Variants in CFAP54 observed in about 807,000 individuals in gnomAD.
The protein encoded by CFAP54 is cilia- and flagella-associated protein 54.
CFAP54 carries 290 observed loss-of-function variants against 370.4 expected under a neutral mutation model. The observed-to-expected ratio is 0.78, with a 90% confidence interval of 0.71 to 0.86. The LOEUF (loss-of-function observed/expected upper bound fraction) is 0.86, where lower values mean the gene tolerates loss of function less well. Among genes scored for constraint, CFAP54 ranks in the 40% least tolerant of loss-of-function variants. The pLI, the probability that CFAP54 is intolerant of heterozygous loss-of-function variation, is 0.00. For missense variants in CFAP54, 3,399 were observed against 3,528.7 expected (o/e 0.96, Z 0.93); for synonymous variants, 1,206 against 1,236.5 (o/e 0.98, Z 0.52).
At chr12:96,647,745 A>C (rs10860058) in intron 33 of CFAP54, 130 bp from the exon 34 acceptor site, 620,548 of 781,200 alleles carry the variant, frequency 0.79, 247,169 homozygotes, top group East Asian at 0.9. Context: ...TGATTAAGTG[A>C]CAAAACCCTT....
intron 19 of CFAP54, among the ~76,000 whole-genome samples, chr12:96,567,326 G>C (rs571309394): frequency 6.6e-6 from 1 of 152,180 alleles, no homozygotes; most frequent in African/African-American, 2.4e-5. Context: ...GTGTTCATAA[G>C]AAGTATTTTT....
intron 14 of CFAP54, among the ~76,000 whole-genome samples, chr12:96,546,955 T>A (rs1476724244): frequency 5.9e-5 from 9 of 152,222 alleles, no homozygotes; most frequent in Admixed American, 5.9e-4. Context: ...ATTGTTAAAA[T>A]GTTTCATTTC....
intron 43 of CFAP54, 31 bp from the exon 44 acceptor site, chr12:96,691,097 C>T: frequency 6.3e-7 from 1 of 1,591,926 alleles, no homozygotes; most frequent in African/African-American, 1.4e-5. Context: ...CTATCTATAG[C>T]TCTTTATATT....
intron 60 of CFAP54, among the ~76,000 whole-genome samples, chr12:96,768,867 A>G (rs987385488): frequency 5.3e-5 from 8 of 152,102 alleles, no homozygotes; most frequent in Admixed American, 1.3e-4. Context: ...GCAGGTGTAA[A>G]TTGACTCAGG....
intron 65 of CFAP54, among the ~76,000 whole-genome samples, chr12:96,818,346 G>T (rs914671676): frequency 4.6e-5 from 7 of 152,134 alleles, no homozygotes; most frequent in South Asian, 2.1e-4. Flanking sequence ...TAACAAAAAA[G>T]GCTGTTATCC....
intron 64 of CFAP54, among the ~76,000 whole-genome samples, chr12:96,817,254 T>C (rs1462263728): frequency 6.6e-6 from 1 of 152,160 alleles, no homozygotes; most frequent in African/African-American, 2.4e-5. Flanking sequence ...TTTATCTGCA[T>C]GTATGACAAG....
At chr12:96,825,305 T>TATA (rs1468736818) in intron 65 of CFAP54, among the ~76,000 whole-genome samples, 2 of 128,456 alleles carry the variant, frequency 1.6e-5, no homozygotes, top group African/African-American at 2.9e-5. Flanking sequence ...ATATATTATA[T>TATA]ATATAATATA....
chr12:96,547,484 C>T (rs1955652581), intron 14 of CFAP54, among the ~76,000 whole-genome samples: 1 of 152,082 alleles, frequency 6.6e-6, no homozygotes, highest in Non-Finnish European at 1.5e-5. Flanking sequence ...CCGCACCTGG[C>T]CTCTGAAAGA....
At chr12:96,865,741 A>G (rs1292917382) in intron 67 of CFAP54, among the ~76,000 whole-genome samples, 1 of 152,158 alleles carries the variant, frequency 6.6e-6, no homozygotes, top group African/African-American at 2.4e-5. Flanking sequence ...TGGCTCGCCT[A>G]TCAGTAAATA....
At chr12:96,639,414 C>A (rs1956699688) in intron 32 of CFAP54, among the ~76,000 whole-genome samples, 1 of 152,100 alleles carries the variant, frequency 6.6e-6, no homozygotes, top group African/African-American at 2.4e-5. Context: ...GAATAACAGG[C>A]TCTGAAATTG....
intron 39 of CFAP54, among the ~76,000 whole-genome samples, chr12:96,676,898 A>G (rs780448181): frequency 5.9e-5 from 9 of 152,202 alleles, no homozygotes; most frequent in Non-Finnish European, 1.3e-4. Flanking sequence ...GACCAATGAG[A>G]AGGTAACCGT....
At chr12:96,807,397 A>G (rs764513658) in intron 63 of CFAP54, among the ~76,000 whole-genome samples, 1 of 152,228 alleles carries the variant, frequency 6.6e-6, no homozygotes, top group Non-Finnish European at 1.5e-5. Context: ...ATTAAGATAC[A>G]AAGATGAGGA....
At chr12:96,552,370 G>A (rs907552537) in intron 15 of CFAP54, among the ~76,000 whole-genome samples, 3 of 151,708 alleles carry the variant, frequency 2.0e-5, no homozygotes, top group Admixed American at 6.6e-5. Context: ...TTGAAACAGG[G>A]TCTCACTCTG....
intron 40 of CFAP54, among the ~76,000 whole-genome samples, chr12:96,680,365 A>G (rs1957256049): frequency 1.3e-5 from 2 of 152,190 alleles, no homozygotes; most frequent in South Asian, 4.1e-4. Flanking sequence ...AGAAGAGTAC[A>G]TTCAAATTTA....
intron 60 of CFAP54, among the ~76,000 whole-genome samples, chr12:96,783,704 T>G (rs55902242): frequency 7.2e-4 from 109 of 152,238 alleles, no homozygotes; most frequent in African/African-American, 2.4e-3. Context: ...CTGACCAACA[T>G]GGAGAAACGC....
At chr12:96,682,242 T>C (rs1957281492) in intron 40 of CFAP54, 6 of 985,704 alleles carry the variant, frequency 6.1e-6, no homozygotes, top group Non-Finnish European at 7.2e-6. Flanking sequence ...CTGACCTTTC[T>C]CAGGAGCACT....
At chr12:96,603,511 A>G (rs1956266219) in intron 26 of CFAP54, among the ~76,000 whole-genome samples, 1 of 152,204 alleles carries the variant, frequency 6.6e-6, no homozygotes, top group Non-Finnish European at 1.5e-5. Context: ...CTGCCTTGCT[A>G]GGTTGGGGAA....
intron 35 of CFAP54, among the ~76,000 whole-genome samples, chr12:96,650,751 C>T (rs1592687421): frequency 1.3e-5 from 2 of 151,982 alleles, no homozygotes; most frequent in Non-Finnish European, 2.9e-5. Flanking sequence ...TCTCATATGC[C>T]CCATGGAGTG....
In CFAP54 at chr12:96,651,633, T is replaced by C. The variant is rs753379367; in HGVS notation, c.4918T>C (p.Cys1640Arg). Residue 1640 changes from cysteine (C) to arginine (R), a missense_variant, in exon 36 of 68, where the codon TGT becomes CGT. Physicochemically the swap from Cys to Arg is radical, Grantham distance 180. This residue lies in a region of CFAP54 where 2,796 missense variants were observed against 2,869.7 expected (regional missense o/e 0.97). Transcript: ENST00000524981. ...CTATTGGACTCTGCTTCAGAACTGC[T>C]GTCGGGCCTTATGGAACTTTACTCA... ...GGYWTLLQNC[C>R]RALWNFTQEL... is the part of the protein sequence containing the mutation. 8 of 1,614,224 alleles carry C rather than the reference T, an allele frequency of 5.0e-6. No individual in the cohort carries two copies. Among genetic ancestry groups the C allele is most frequent in the Non-Finnish European group, 5.9e-6 (7 of 1,180,040 alleles).
Sources: gnomAD v4.1 joint callset for allele counts (sites outside exome capture counted in the v4.1 genomes callset) on GRCh38, gnomAD v4.1.1 for gene constraint, gnomAD v4.1.1 regional missense constraint, MANE v1.5 for transcripts, NCBI Gene and HGNC (gene_info 2026-07-23, HGNC 2026-07-21) for gene names.